COMMD1: variants seen among roughly 807,000 people sequenced by gnomAD.
COMMD1 encodes COMM domain-containing protein 1.
Under a neutral mutation model 17.2 loss-of-function variants are expected in COMMD1, and 10 were observed. The ratio of observed to expected loss-of-function variants is 0.58; its 90% confidence interval spans 0.36 to 0.99. The LOEUF (loss-of-function observed/expected upper bound fraction) is 0.99. Ranked by LOEUF, COMMD1 falls within the 50% of genes least tolerant of loss-of-function variation. The pLI is 0.01. For synonymous variants in COMMD1, 97 were observed against 91.6 expected (o/e 1.06, Z -0.34); for missense variants, 270 against 231.8 (o/e 1.17, Z -1.07).
intron 1 of COMMD1, among the ~76,000 whole-genome samples, chr2:61,960,103 T>C (rs1671300796): frequency 6.8e-6 from 1 of 147,588 alleles, no homozygotes; most frequent in Non-Finnish European, 1.5e-5. Context: ...GGACAGCTGA[T>C]TTGGAATATA....
intron 2 of COMMD1, among the ~76,000 whole-genome samples, chr2:62,124,912 A>G (rs1672847574): frequency 6.6e-6 from 1 of 152,162 alleles, no homozygotes; most frequent in African/African-American, 2.4e-5. Flanking sequence ...GAAATTTCCT[A>G]GATACCAAAT....
upstream of COMMD1, among the ~76,000 whole-genome samples, chr2:61,902,067 G>A (rs374456524): frequency 8.1e-4 from 123 of 151,930 alleles, no homozygotes; most frequent in South Asian, 0.019. Flanking sequence ...TCTTGACCTC[G>A]TGATCCACCC....
chr2:61,986,202 C>G (rs1672101124), intron 1 of COMMD1, among the ~76,000 whole-genome samples: 1 of 151,844 alleles, frequency 6.6e-6, no homozygotes, highest in African/African-American at 2.4e-5. Flanking sequence ...GCCAATCTCA[C>G]CTGGCATGAG....
chr2:62,093,177 T>C (rs759692719), intron 2 of COMMD1, among the ~76,000 whole-genome samples: 1 of 152,112 alleles, frequency 6.6e-6, no homozygotes, highest in African/African-American at 2.4e-5. Context: ...TGAGAAAACA[T>C]ACAAACTAAG....
chr2:62,025,068 A>C (rs1669719259), intron 2 of COMMD1, among the ~76,000 whole-genome samples: 1 of 151,994 alleles, frequency 6.6e-6, no homozygotes, highest in South Asian at 2.1e-4. Flanking sequence ...AAAAATGCAA[A>C]AATTAGCCAG....
intron 1 of COMMD1, among the ~76,000 whole-genome samples, chr2:61,990,024 G>A (rs1672205367): frequency 6.6e-6 from 1 of 152,152 alleles, no homozygotes; most frequent in Non-Finnish European, 1.5e-5. Context: ...GATCTACATC[G>A]AAGCCTGAAG....
chr2:62,119,700 T>C (rs980832024), intron 2 of COMMD1, among the ~76,000 whole-genome samples: 1 of 152,196 alleles, frequency 6.6e-6, no homozygotes, highest in Admixed American at 6.5e-5. Flanking sequence ...TGGGAATAGA[T>C]AGATGGCAGA....
chr2:62,061,083 T>C (rs1352953531), intron 2 of COMMD1, among the ~76,000 whole-genome samples: 1 of 152,202 alleles, frequency 6.6e-6, no homozygotes, highest in Non-Finnish European at 1.5e-5. Context: ...ATTTCTCTTT[T>C]GAGATTTCCT....
rs1306157498 is a variant in COMMD1 at position 62,032,432 on chromosome 2, A to T, written c.462+31450A>T. On this transcript the variant is annotated intron_variant, in intron 2 of 2. Coordinates refer to ENST00000311832, the MANE Select transcript of COMMD1 (RefSeq NM_152516.4). ...GCGCCTGTAATCCTAGCTACAGAGG[A>T]GGCTCGGGTGGGAGGATCACTTGAG... Among the ~76,000 whole-genome samples the T allele has an allele frequency of 2.0e-5, 3 of 152,304 alleles. No homozygotes were observed. The East Asian group carries it at 5.8e-4, about 29-fold the overall frequency.
chr2:62,121,161 G>A (rs1363766584), intron 2 of COMMD1, among the ~76,000 whole-genome samples: 2 of 152,018 alleles, frequency 1.3e-5, no homozygotes, highest in Non-Finnish European at 2.9e-5. Context: ...CTTGAGTTCA[G>A]GAGTTCGAGA....
intron 1 of COMMD1, among the ~76,000 whole-genome samples, chr2:61,895,566 T>C (rs892008711): frequency 5.3e-5 from 8 of 152,036 alleles, no homozygotes; most frequent in Non-Finnish European, 7.4e-5. Context: ...CTGCAACAGC[T>C]CTAAGTCTCA....
chr2:61,934,530 C>A (rs1670553972), intron 1 of COMMD1, among the ~76,000 whole-genome samples: 1 of 152,068 alleles, frequency 6.6e-6, no homozygotes. Flanking sequence ...TGAGACCAGT[C>A]TGAGCAACAC....
At chr2:62,116,982 C>T (rs1187678015) in intron 2 of COMMD1, among the ~76,000 whole-genome samples, 3 of 139,004 alleles carry the variant, frequency 2.2e-5, no homozygotes, top group South Asian at 2.3e-4. Context: ...GCAACAAGAG[C>T]GAAAACTTCG....
At chr2:62,024,363 C>T (rs538803736) in intron 2 of COMMD1, among the ~76,000 whole-genome samples, 7 of 152,178 alleles carry the variant, frequency 4.6e-5, no homozygotes, top group African/African-American at 1.4e-4. Context: ...ACTACAGGCG[C>T]GCACCACCAT....
intron 1 of COMMD1, among the ~76,000 whole-genome samples, chr2:61,929,776 TA>T (rs1207763826): frequency 6.6e-6 from 1 of 151,842 alleles, no homozygotes; most frequent in Non-Finnish European, 1.5e-5. Flanking sequence ...TACAAAAAAT[TA>T]GTTGGGTATG....
chr2:62,000,270 A>AT (rs370727672), intron 1 of COMMD1, among the ~76,000 whole-genome samples: 2,239 of 127,318 alleles, frequency 0.018, 57 homozygotes, highest in African/African-American at 0.049. Context: ...ATTTCAGTGA[A>AT]TTTTTTTTTT....
At chr2:62,006,932 A>G (rs115382486) in intron 2 of COMMD1, among the ~76,000 whole-genome samples, 44 of 152,148 alleles carry the variant, frequency 2.9e-4, no homozygotes, top group African/African-American at 1.0e-3. Flanking sequence ...GAATTTGGGT[A>G]TTTTATAAAG....
At chr2:61,899,851 T>C (rs1370683032) in intron 1 of COMMD1, among the ~76,000 whole-genome samples, 3 of 152,160 alleles carry the variant, frequency 2.0e-5, no homozygotes, top group Non-Finnish European at 4.4e-5. Flanking sequence ...TTTGTATTTT[T>C]AGTAGAGACA....
At chr2:61,945,137 C>A (rs1324780734) in intron 1 of COMMD1, among the ~76,000 whole-genome samples, 1 of 152,090 alleles carries the variant, frequency 6.6e-6, no homozygotes, top group African/African-American at 2.4e-5. Flanking sequence ...GAAATTAAGA[C>A]CAGCTGATTG....
Sources: allele counts gnomAD v4.1 joint callset (sites outside exome capture counted in the v4.1 genomes callset), GRCh38; gene constraint gnomAD v4.1.1; transcripts MANE v1.5; gene names NCBI Gene and HGNC (gene_info 2026-07-23, HGNC 2026-07-21).